GIMD1: variants seen among roughly 807,000 people sequenced by gnomAD.
The protein encoded by GIMD1 is GTPase IMAP family member GIMD1.
GIMD1 carries 14 observed loss-of-function variants against 14.9 expected under a neutral mutation model. The ratio of observed to expected loss-of-function variants is 0.94; its 90% CI spans 0.62 to 1.47. The LOEUF (loss-of-function observed/expected upper bound fraction) is 1.47. Ranked by LOEUF, GIMD1 falls within the 40% of genes most tolerant of loss-of-function variation. The pLI is 0.00. For missense variants in GIMD1, 272 were observed against 255.3 expected (o/e 1.07, Z -0.44); for synonymous variants, 91 against 90.5 (o/e 1.01, Z -0.03).
chr4:106,359,984 C>T (rs2125933587), intron 2 of GIMD1, among the ~76,000 whole-genome samples: 1 of 151,930 alleles, frequency 6.6e-6, no homozygotes, highest in African/African-American at 2.4e-5. Flanking sequence ...CATGTCTTTC[C>T]ATATCAATCA....
chr4:106,363,884 G>T (rs780066233), intron 2 of GIMD1, among the ~76,000 whole-genome samples: 10 of 34,162 alleles, frequency 2.9e-4, no homozygotes, highest in African/African-American at 2.0e-3. Context: ...ATACCATAAT[G>T]GGGGGGGGGG....
intron 2 of GIMD1, among the ~76,000 whole-genome samples, chr4:106,362,721 T>C (rs1241501376): frequency 6.6e-6 from 1 of 152,024 alleles, no homozygotes; most frequent in African/African-American, 2.4e-5. Flanking sequence ...AGGAGGACAA[T>C]GAGGACCATT....
At chr4:106,368,619 GCAGT>G (rs1247472716) in intron 1 of GIMD1, 87 bp downstream of exon 1, 1 of 395,132 alleles carries the variant, frequency 2.5e-6, no homozygotes, top group South Asian at 1.4e-4. Context: ...GCAGTGAGAT[GCAGT>G]CAATTTCTTT....
intron 2 of GIMD1, among the ~76,000 whole-genome samples, chr4:106,363,921 T>C (rs1770655087): frequency 7.1e-6 from 1 of 141,772 alleles, no homozygotes; most frequent in Non-Finnish European, 1.5e-5. Flanking sequence ...AGGCAATACC[T>C]AGGTACAATT....
At chr4:106,362,892 G>GT (rs1400111854) in intron 2 of GIMD1, among the ~76,000 whole-genome samples, 3 of 151,850 alleles carry the variant, frequency 2.0e-5, no homozygotes, top group Non-Finnish European at 4.4e-5. Context: ...TACAGATGAG[G>GT]TATTGAGGAC....
chr4:106,357,642 G>A lies in GIMD1; in HGVS notation c.*541C>T, dbSNP rs887326626. ...AATTTCCAGCACTTCTACCATCAGA[G>A]TAGTTTAGATTACATTTGTTTTACT... is the stretch of plus-strand genomic sequence containing the variant. On this transcript the variant is annotated 3_prime_UTR_variant, in exon 3 of 3. Coordinates refer to ENST00000638719, the MANE Select transcript of GIMD1 (RefSeq NM_001195138.2). The A allele has an allele frequency of 2.6e-5, 4 of 152,120 alleles. No individual in the cohort carries two copies. Among genetic ancestry groups the A allele is most frequent in the Non-Finnish European group, 5.9e-5 (4 of 68,070 alleles). The allele number at this position is 152,120 out of a possible 1,614,324, so 9.4% of individuals were successfully genotyped here.
Position 106,358,030 on chromosome 4 carries a change from TA to T in GIMD1, c.*152del, listed in dbSNP as rs1020071495. ...AATCTTGAATCATTGATGTTCTTTT[TA>T]ACTTCTAGTTTTCCAAAGTGGTTAT... On this transcript the variant is annotated 3_prime_UTR_variant, in exon 3 of 3. Transcript: ENST00000638719. 5.5e-6 allele frequency: 3 copies of T among 545,524 alleles called. No homozygotes were observed. The African/African-American group carries it at 5.7e-5, about 10-fold the overall frequency. The allele number at this position is 545,524 out of a possible 1,614,324, so 33.8% of individuals were successfully genotyped here.
Position 106,358,458 on chromosome 4 carries a change from T to G in GIMD1, c.394-15A>C, listed in dbSNP as rs1561039389. 1 of 1,497,120 alleles carries G rather than the reference T, an allele frequency of 6.7e-7. No individual in the cohort carries two copies. The highest frequency in any genetic ancestry group is 2.5e-5 in the East Asian group (1 of 40,706). The allele number at this position is 1,497,120 out of a possible 1,614,324, so 92.7% of individuals were successfully genotyped here. A position where few individuals can be genotyped will look rare whatever the true frequency, so the allele number is the denominator to read the frequency against. On this transcript the variant is annotated splice_polypyrimidine_tract_variant and intron_variant, in intron 2 of 2. Transcript: ENST00000638719. ...CCAAGAAGTTCCTGAAAGAGAGAAG[T>G]TAGATAACTATTGAACTTGAACTAT...
rs1439958030 is a variant in GIMD1, at chr4:106,358,193, G to A, written c.644C>T (p.Thr215Ile). The A allele has an allele frequency of 1.4e-6, 2 of 1,481,370 alleles. No individual in the cohort carries two copies. The highest frequency in any genetic ancestry group is 1.8e-6 in the Non-Finnish European group (2 of 1,120,338). 91.8% of individuals were successfully genotyped at this position (1,481,370 alleles called of 1,614,324 possible). ...CCTTTCACCTAAATTTTATTTAAAT[G>A]TAAGAACTTGGTAACAGTTCTCTTT... Reference protein sequence around the residue: ...FIKENCYQVLTFK With the variant: ...FIKENCYQVLIFK Residue 215 changes from threonine to isoleucine, a missense_variant, in exon 3 of 3, where the codon ACA becomes ATA. Physicochemically the swap from Thr to Ile is moderately conservative, Grantham distance 89. Transcript: ENST00000638719.
intron 1 of GIMD1, 148 bp from the exon 2 acceptor site, chr4:106,367,585 C>T: frequency 2.9e-6 from 2 of 698,596 alleles, no homozygotes; most frequent in Non-Finnish European, 4.6e-6. Context: ...AGGAGGACTG[C>T]TCCACTAAAG....
chr4:106,361,431 A>G (rs906351800), intron 2 of GIMD1, among the ~76,000 whole-genome samples: 1 of 152,094 alleles, frequency 6.6e-6, no homozygotes, highest in Non-Finnish European at 1.5e-5. Context: ...GTGATGATGC[A>G]GTCACCAGAT....
At chr4:106,359,393 C>A (rs1382814921) in intron 2 of GIMD1, among the ~76,000 whole-genome samples, 1 of 151,656 alleles carries the variant, frequency 6.6e-6, no homozygotes, top group Non-Finnish European at 1.5e-5. Flanking sequence ...ATAAGAAACA[C>A]CCAAGACCTC....
intron 1 of GIMD1, among the ~76,000 whole-genome samples, chr4:106,368,236 A>G (rs1770735866): frequency 6.6e-6 from 1 of 152,180 alleles, no homozygotes; most frequent in African/African-American, 2.4e-5. Context: ...AATCTATTCC[A>G]TGTACAATAC....
In GIMD1 at chr4:106,367,098, C is replaced by T; in HGVS notation, c.338G>A (p.Arg113Lys). 1 of 1,535,336 alleles carries T rather than the reference C, an allele frequency of 6.5e-7. No homozygotes were observed. Among genetic ancestry groups the T allele is most frequent in the Non-Finnish European group, 8.7e-7 (1 of 1,146,496 alleles). The change falls in exon 2 of 3, where the codon AGA (arginine) becomes AAA (lysine). Residue 113 changes from arginine (R) to lysine (K), a missense_variant. Transcript: ENST00000638719. The part of the protein sequence containing the change: ...GGLHLALLVQ[R>K]ADVPFCGQEV... ...CTGCCCACAGAAAGGCACATCTGCT[C>T]TCTGAACCAGGAGTGCAAGGTGGAG...
At chr4:106,366,320 T>C in intron 2 of GIMD1, among the ~76,000 whole-genome samples, 1 of 152,192 alleles carries the variant, frequency 6.6e-6, no homozygotes, top group Non-Finnish European at 1.5e-5. Flanking sequence ...TTATACTACT[T>C]TGGCACTTAA....
At position 106,366,966 on chromosome 4, in the gene GIMD1, T is replaced by A. The variant is rs577605298; in HGVS notation, c.393+77A>T. 8.6e-3 allele frequency: 3,025 copies of A among 353,532 alleles called. 78 individuals carry two copies. Among genetic ancestry groups the A allele is most frequent in the African/African-American group, 0.059 (2,708 of 46,276 alleles). The allele number at this position is 353,532 out of a possible 1,614,324, so 21.9% of individuals were successfully genotyped here. ...TAGTATAATAATAATAATATTATTA[T>A]TATTATTATTATACTATTAGGATAA... On this transcript the variant is annotated intron_variant, in intron 2 of 2. Transcript: ENST00000638719.
At chr4:106,364,584 A>G (rs1005588884) in intron 2 of GIMD1, among the ~76,000 whole-genome samples, 10 of 152,162 alleles carry the variant, frequency 6.6e-5, no homozygotes, top group Admixed American at 4.6e-4. Context: ...GTGACCATCA[A>G]CCAAAGACCG....
rs1224320458 is a variant in GIMD1, at chr4:106,358,315, T to C, written c.522A>G (p.Leu174=). 8.5e-6 allele frequency: 13 copies of C among 1,533,940 alleles called. No individual in the cohort carries two copies. Among genetic ancestry groups the C allele is most frequent in the Non-Finnish European group, 1.0e-5 (12 of 1,145,576 alleles). ...HEASDTLKTL[L]NSIQHKYVFQ... is the part of the protein sequence containing the mutation. ...AAACGTATTTGTGCTGAATAGAATT[T>C]AGCAGCGTTTTCAGGGTATCAGAGG... Residue 174 remains leucine (L), a synonymous_variant, in exon 3 of 3, where the codon CTA becomes CTG. Transcript: ENST00000638719.
At chr4:106,367,619 G>A (rs1770725533) in intron 1 of GIMD1, among the ~76,000 whole-genome samples, 182 bp from the exon 2 acceptor site, 1 of 152,108 alleles carries the variant, frequency 6.6e-6, no homozygotes, top group South Asian at 2.1e-4. Context: ...GTGACAGAAG[G>A]GAATGTGGAA....
Sources: gnomAD v4.1 joint callset for allele counts (sites outside exome capture counted in the v4.1 genomes callset) on GRCh38, gnomAD v4.1.1 for gene constraint, MANE v1.5 for transcripts, NCBI Gene and HGNC (gene_info 2026-07-23, HGNC 2026-07-21) for gene names.